LEPR: variants seen among roughly 807,000 people sequenced by gnomAD.
LEPR encodes leptin receptor, also known as OB receptor.
A neutral mutation model predicts 114.7 loss-of-function variants in LEPR; 56 were observed. That is an observed-to-expected ratio of 0.49 (90% CI 0.39 to 0.61). The LOEUF (loss-of-function observed/expected upper bound fraction) is 0.61, where lower values mean the gene tolerates loss of function less well. LEPR is among the 20% of genes least tolerant of loss of function. The pLI, the probability that LEPR is intolerant of heterozygous loss-of-function variation, is 0.00. For missense variants in LEPR, 1,202 were observed against 1,352.9 expected (o/e 0.89, Z 1.75); for synonymous variants, 443 against 461.4 (o/e 0.96, Z 0.51).
At chr1:65,453,612 C>T (rs988315352) in intron 2 of LEPR, among the ~76,000 whole-genome samples, 7 of 152,032 alleles carry the variant, frequency 4.6e-5, no homozygotes, top group African/African-American at 9.7e-5. Flanking sequence ...CTTAATCCTG[C>T]GTTCTAGTTT....
chr1:65,615,173 C>G (rs1211918321), intron 14 of LEPR, among the ~76,000 whole-genome samples: 4 of 152,100 alleles, frequency 2.6e-5, no homozygotes, highest in African/African-American at 9.7e-5. Flanking sequence ...TCTGCCATTT[C>G]TAACTTAGAG....
chr1:65,522,275 C>G (rs942008343), intron 2 of LEPR, among the ~76,000 whole-genome samples: 2 of 152,056 alleles, frequency 1.3e-5, no homozygotes, highest in African/African-American at 4.8e-5. Flanking sequence ...TCTCCCTGCC[C>G]TCAGTAATTT....
In LEPR at chr1:65,570,800, T is replaced by C; in HGVS notation, c.368T>C (p.Ile123Thr). The change falls in exon 4 of 20, where the codon ATA becomes ACA. Residue 123 changes from isoleucine to threonine, a missense_variant and splice_region_variant. Ile to Thr is a moderately conservative substitution (Grantham distance 89). Coordinates refer to ENST00000349533, the MANE Select transcript of LEPR (RefSeq NM_002303.6). The part of the protein sequence containing the change: ...STVNSLVFQQ[I>T]DANWNIQCWL... The stretch of plus-strand genomic sequence containing the variant: ...GTAAATTCTTTAGTTTTTCAACAAA[T>C]AGGTAAGCATTAGCTATGTTTTAAA... 6.4e-7 allele frequency: 1 copy of C among 1,551,196 alleles called. No homozygotes were observed. Among genetic ancestry groups the C allele is most frequent in the Non-Finnish European group, 8.7e-7 (1 of 1,151,050 alleles).
chr1:65,531,558 T>A (rs1243008630), intron 2 of LEPR, among the ~76,000 whole-genome samples: 1 of 152,018 alleles, frequency 6.6e-6, no homozygotes, highest in East Asian at 1.9e-4. Flanking sequence ...GAATGTGAAC[T>A]CCACAAGGGC....
chr1:65,553,996 T>C (rs1276812276), intron 2 of LEPR, among the ~76,000 whole-genome samples: 1 of 152,170 alleles, frequency 6.6e-6, no homozygotes, highest in Non-Finnish European at 1.5e-5. Context: ...TTGCTTGAGG[T>C]TCACTCCAGA....
chr1:65,530,398 GGTAGA>G (rs1650301838), intron 2 of LEPR, among the ~76,000 whole-genome samples: 1 of 152,174 alleles, frequency 6.6e-6, no homozygotes, highest in Non-Finnish European at 1.5e-5. Flanking sequence ...AGGGCAATTA[GGTAGA>G]GTAAAGTGAA....
At chr1:65,534,674 A>G (rs1650634025) in intron 2 of LEPR, among the ~76,000 whole-genome samples, 2 of 152,202 alleles carry the variant, frequency 1.3e-5, no homozygotes, top group Admixed American at 1.3e-4. Context: ...GAGTGAGTGC[A>G]CATAAGTACA....
At chr1:65,480,599 G>C (rs1647213419) in intron 2 of LEPR, among the ~76,000 whole-genome samples, 1 of 152,166 alleles carries the variant, frequency 6.6e-6, no homozygotes, top group Non-Finnish European at 1.5e-5. Flanking sequence ...AAATTTACTG[G>C]AAGTCGCTAA....
At chr1:65,576,721 C>T in intron 5 of LEPR, 1 of 182,802 alleles carries the variant, frequency 5.5e-6, no homozygotes. Context: ...CTTTATTCAT[C>T]CAGCCAGACA....
chr1:65,564,476 C>G (rs548000264), intron 2 of LEPR, among the ~76,000 whole-genome samples: 3 of 119,176 alleles, frequency 2.5e-5, no homozygotes, highest in African/African-American at 3.2e-5. Context: ...GAGATGAACC[C>G]GGTACCTCAG....
chr1:65,619,143 C>T (rs1657718638), intron 16 of LEPR, among the ~76,000 whole-genome samples: 1 of 152,028 alleles, frequency 6.6e-6, no homozygotes, highest in Admixed American at 6.6e-5. Context: ...GGACTCATAC[C>T]ATTATTTTAT....
intron 2 of LEPR, among the ~76,000 whole-genome samples, chr1:65,511,169 C>T (rs1649011986): frequency 6.6e-6 from 1 of 152,152 alleles, no homozygotes; most frequent in Admixed American, 6.5e-5. Flanking sequence ...CAAACAGTAA[C>T]ATCTGCTTAA....
At position 65,586,780 on chromosome 1, in the gene LEPR, G is replaced by A. The variant is rs114547512; in HGVS notation, c.495-5877G>A. Among the ~76,000 whole-genome samples the A allele has an allele frequency of 1.4e-3, 218 of 152,092 alleles. 3 individuals carry two copies. The highest frequency in any genetic ancestry group is 4.9e-3 in the African/African-American group (203 of 41,536). Reference sequence around the variant, plus strand: ...TTGATGCTGATAGTGTCATGATGGGGTTAGCTGTTGGCATGGTTACAGAAA... The same window carrying A: ...TTGATGCTGATAGTGTCATGATGGGATTAGCTGTTGGCATGGTTACAGAAA... On this transcript the variant is annotated intron_variant, in intron 5 of 19. Coordinates refer to ENST00000349533, the MANE Select transcript of LEPR (RefSeq NM_002303.6).
At chr1:65,516,217 A>C (rs10889559) in intron 2 of LEPR, among the ~76,000 whole-genome samples, 2 of 151,814 alleles carry the variant, frequency 1.3e-5, no homozygotes, top group African/African-American at 2.4e-5. Context: ...GGCGGATCAC[A>C]AGGTCAGGAG....
intron 2 of LEPR, among the ~76,000 whole-genome samples, chr1:65,469,434 G>C (rs888471351): frequency 2.0e-5 from 3 of 152,190 alleles, no homozygotes; most frequent in African/African-American, 7.2e-5. Context: ...TAGTTATCAG[G>C]CTAGAAAGTT....
intron 8 of LEPR, 140 bp from the exon 9 acceptor site, chr1:65,601,252 C>G (rs979076499): frequency 1.3e-4 from 130 of 1,024,774 alleles, no homozygotes; most frequent in Admixed American, 1.7e-4. Context: ...GTAATTTCAG[C>G]ATTATCCAGT....
chr1:65,445,650 A>T (rs1359984680), intron 2 of LEPR, among the ~76,000 whole-genome samples: 1 of 146,166 alleles, frequency 6.8e-6, no homozygotes, highest in Non-Finnish European at 1.5e-5. Context: ...TTTTTTTTTT[A>T]AACAGCAAAT....
rs765756692 is a variant in LEPR at position 65,434,402 on chromosome 1, T to G, written c.-21+9024T>G. ...GAAAACTGAGATTGCACTTCCAAAA[T>G]TGGCCACAAGTAAATAATCTTATGA... On this transcript the variant is annotated intron_variant, in intron 2 of 19. Transcript: ENST00000349533. 6 of 985,402 alleles carry G rather than the reference T, an allele frequency of 6.1e-6. No homozygotes were observed. In the South Asian group the frequency reaches 1.4e-4, roughly 23 times the overall value. The allele number at this position is 985,402 out of a possible 1,614,324, so 61.0% of individuals were successfully genotyped here.
chr1:65,613,507 A>T (rs1387030829), intron 14 of LEPR, among the ~76,000 whole-genome samples: 2 of 139,632 alleles, frequency 1.4e-5, no homozygotes, highest in Non-Finnish European at 3.1e-5. Context: ...TAATCCCAGC[A>T]CTTTGGGAGG....
Sources: gnomAD v4.1 joint callset for allele counts (sites outside exome capture counted in the v4.1 genomes callset) on GRCh38, gnomAD v4.1.1 for gene constraint, MANE v1.5 for transcripts, NCBI Gene and HGNC (gene_info 2026-07-23, HGNC 2026-07-21) for gene names.